ANKFN1: variants seen among roughly 807,000 people sequenced by gnomAD.
The protein encoded by ANKFN1 is ankyrin repeat and fibronectin type-III domain-containing protein 1.
In ANKFN1, 74 loss-of-function variants were observed where a neutral mutation model predicts 108.7. The observed-to-expected ratio is 0.68, with a 90% CI of 0.56 to 0.83. The LOEUF is 0.83. Ranked by LOEUF, ANKFN1 falls within the 40% of genes least tolerant of loss-of-function variation. The pLI, the probability that ANKFN1 is intolerant of heterozygous loss-of-function variation, is 0.00. For synonymous variants in ANKFN1, 547 were observed against 516.2 expected, an observed-to-expected ratio of 1.06 and a Z score of -0.81; for missense variants, 1,505 against 1,382.3, an observed-to-expected ratio of 1.09 and a Z score of -1.41.
chr17:56,062,559 C>CTTTTTTTTTTTTTTTTTTTTTTTTTT (rs3085080), intron 4 of ANKFN1, among the ~76,000 whole-genome samples: 1 of 134,514 alleles, frequency 7.4e-6, no homozygotes, highest in African/African-American at 3.0e-5. Flanking sequence ...GTAATCTCTG[C>CTTTTTTTTTTTTTTTTTTTTTTTTTT]TTTTTTTTTT....
At chr17:56,379,103 C>T (rs1423838266) in intron 8 of ANKFN1, among the ~76,000 whole-genome samples, 5 of 151,994 alleles carry the variant, frequency 3.3e-5, no homozygotes, top group Admixed American at 3.3e-4. Flanking sequence ...GGAATATATA[C>T]ATATAAAAGG....
chr17:56,231,252 T>C (rs1201887882), intron 3 of ANKFN1, among the ~76,000 whole-genome samples: 1 of 152,168 alleles, frequency 6.6e-6, no homozygotes, highest in Non-Finnish European at 1.5e-5. Flanking sequence ...CATCTCTAAG[T>C]ATCCATTTGC....
chr17:56,119,752 G>T (rs1166384155), intron 4 of ANKFN1, among the ~76,000 whole-genome samples: 1 of 152,140 alleles, frequency 6.6e-6, no homozygotes, highest in East Asian at 1.9e-4. Flanking sequence ...ACTAAGCACA[G>T]GGTAGCAGAA....
chr17:56,105,736 T>C (rs1026510477), intron 4 of ANKFN1, among the ~76,000 whole-genome samples: 1 of 151,536 alleles, frequency 6.6e-6, no homozygotes, highest in African/African-American at 2.4e-5. Context: ...TGTGTGTGTG[T>C]GTGTATGAGA....
At chr17:56,296,611 G>A (rs1441223790) in intron 3 of ANKFN1, among the ~76,000 whole-genome samples, 2 of 152,276 alleles carry the variant, frequency 1.3e-5, no homozygotes, top group East Asian at 3.9e-4. Flanking sequence ...TTGAACCCAG[G>A]AGTCGGAGGT....
chr17:56,478,214 A>G (rs969318572), intron 16 of ANKFN1, among the ~76,000 whole-genome samples: 1 of 152,160 alleles, frequency 6.6e-6, no homozygotes, highest in Non-Finnish European at 1.5e-5. Flanking sequence ...CTGTCCTTTC[A>G]CATTCCCCTC....
At chr17:56,396,525 C>G (rs1306886311) in intron 8 of ANKFN1, among the ~76,000 whole-genome samples, 1 of 151,948 alleles carries the variant, frequency 6.6e-6, no homozygotes, top group Non-Finnish European at 1.5e-5. Flanking sequence ...AAATCTACTC[C>G]TTGAAGAAAC....
At chr17:56,239,170 A>G (rs1388787956) in intron 3 of ANKFN1, among the ~76,000 whole-genome samples, 1 of 152,164 alleles carries the variant, frequency 6.6e-6, no homozygotes, top group Admixed American at 6.6e-5. Flanking sequence ...ATTGTAAGAT[A>G]TAGATATTTA....
chr17:56,494,275 T>C (rs1288499206), intron 19 of ANKFN1, among the ~76,000 whole-genome samples: 1 of 152,210 alleles, frequency 6.6e-6, no homozygotes, highest in Non-Finnish European at 1.5e-5. Flanking sequence ...TCCATTGGTC[T>C]GAGAATGTAG....
chr17:56,133,603 CAT>C (rs1907418313), intron 4 of ANKFN1, among the ~76,000 whole-genome samples: 1 of 149,654 alleles, frequency 6.7e-6, no homozygotes, highest in South Asian at 2.1e-4. Context: ...CTTGTGTGCT[CAT>C]AGATTTTTGG....
chr17:56,236,857 A>G (rs1394582294), intron 3 of ANKFN1, among the ~76,000 whole-genome samples: 3 of 152,184 alleles, frequency 2.0e-5, no homozygotes, highest in Admixed American at 1.3e-4. Flanking sequence ...GCCAGTTTTC[A>G]AGGGAAATGC....
chr17:56,114,213 C>A (rs975488137), intron 4 of ANKFN1, among the ~76,000 whole-genome samples: 2 of 152,158 alleles, frequency 1.3e-5, no homozygotes, highest in African/African-American at 2.4e-5. Context: ...CTTTTTATTT[C>A]TTGTTTCTGA....
intron 2 of ANKFN1, among the ~76,000 whole-genome samples, chr17:56,225,300 C>T (rs1295899918): frequency 6.6e-6 from 1 of 152,156 alleles, no homozygotes. Context: ...CTGCTCAGTA[C>T]ATTAGGAGGT....
In ANKFN1 at chr17:56,247,076, CCTAT is replaced by C. The variant is rs567633165; in HGVS notation, c.53+19125_53+19128del. Among the ~76,000 whole-genome samples the C allele has an allele frequency of 3.2e-4, 49 of 152,262 alleles. No homozygotes were observed. The South Asian group carries it at 8.9e-3, about 28-fold the overall frequency. ...TTAAATCTGTGCTTATTACTAGAAT[CCTAT>C]CTATCATTTTTTCATTTTCCATTCA... On this transcript the variant is annotated intron_variant, in intron 3 of 20. Coordinates refer to ENST00000682825, the MANE Select transcript of ANKFN1 (RefSeq NM_001370326.1).
At chr17:56,443,441 T>C (rs1285149333) in intron 10 of ANKFN1, among the ~76,000 whole-genome samples, 3 of 152,178 alleles carry the variant, frequency 2.0e-5, no homozygotes, top group African/African-American at 4.8e-5. Flanking sequence ...CACCCTTTCA[T>C]AGGGCTTTTG....
chr17:56,433,849 A>G (rs1288399852), intron 8 of ANKFN1, among the ~76,000 whole-genome samples: 1 of 152,060 alleles, frequency 6.6e-6, no homozygotes, highest in African/African-American at 2.4e-5. Flanking sequence ...AAAAACTGTA[A>G]CAGTCACAGA....
At chr17:56,204,592 C>T (rs1567836066) in intron 1 of ANKFN1, among the ~76,000 whole-genome samples, 3 of 152,090 alleles carry the variant, frequency 2.0e-5, no homozygotes, top group African/African-American at 2.4e-5. Context: ...CTGCCCACCT[C>T]GGCCTCCCGA....
chr17:56,219,605 T>C (rs772893933), intron 2 of ANKFN1, among the ~76,000 whole-genome samples: 1 of 152,256 alleles, frequency 6.6e-6, no homozygotes, highest in Non-Finnish European at 1.5e-5. Flanking sequence ...TTTATGATAT[T>C]GACATGCTTT....
chr17:56,251,509 C>A (rs1178390254), intron 3 of ANKFN1, among the ~76,000 whole-genome samples: 1 of 152,174 alleles, frequency 6.6e-6, no homozygotes, highest in African/African-American at 2.4e-5. Context: ...AATAAGCCAA[C>A]ATTTGACTTA....
Sources: gnomAD v4.1 joint callset for allele counts (sites outside exome capture counted in the v4.1 genomes callset) on GRCh38, gnomAD v4.1.1 for gene constraint, MANE v1.5 for transcripts, NCBI Gene and HGNC (gene_info 2026-07-23, HGNC 2026-07-21) for gene names.